Variants in ZZEF1 observed in about 807,000 individuals in gnomAD.
ZZEF1 encodes the protein zinc finger ZZ-type and EF-hand domain containing 1.
Under a neutral mutation model 342.8 loss-of-function variants are expected in ZZEF1, and 157 were observed. The observed-to-expected ratio is 0.46, with a 90% CI of 0.40 to 0.52. The LOEUF is 0.52. Ranked by LOEUF, ZZEF1 falls within the 20% of genes least tolerant of loss-of-function variation. ZZEF1 has a pLI of 0.00. For missense variants in ZZEF1, 3,480 were observed against 3,725.6 expected (o/e 0.93, Z 1.72); for synonymous variants, 1,505 against 1,429.1 (o/e 1.05, Z -1.20).
rs2058269237 is a variant in ZZEF1, at chr17:4,109,871, GCA to G, written c.1067-10_1067-9del. On this transcript the variant is annotated splice_polypyrimidine_tract_variant and intron_variant, in intron 5 of 54. Coordinates refer to ENST00000381638, the MANE Select transcript of ZZEF1 (RefSeq NM_015113.4). ...TTATGTTAATCTGGACATCTGTCGA[GCA>G]CAAACAAAAAATTCAGTATTGGATT... 2.5e-6 allele frequency: 4 copies of G among 1,613,824 alleles called. No homozygotes were observed. In the East Asian group the frequency reaches 8.9e-5, roughly 36 times the overall value.
At chr17:4,012,645 A>G (rs981398272) in intron 52 of ZZEF1, among the ~76,000 whole-genome samples, 3 of 152,204 alleles carry the variant, frequency 2.0e-5, no homozygotes, top group African/African-American at 2.4e-5. Flanking sequence ...ATTCAACACT[A>G]TATGTCCTCC....
chr17:4,087,579 T>C, intron 13 of ZZEF1, 45 bp from the exon 14 acceptor site: 1 of 1,518,694 alleles, frequency 6.6e-7, no homozygotes, highest in Non-Finnish European at 9.0e-7. Context: ...GAAAAATGCA[T>C]TTAGAGAAAT....
At chr17:4,085,913 G>A in intron 15 of ZZEF1, 110 bp from the exon 16 acceptor site, 1 of 1,368,096 alleles carries the variant, frequency 7.3e-7, no homozygotes, top group Non-Finnish European at 1.0e-6. Flanking sequence ...CTTAATACCA[G>A]AGTGAAGAAG....
At chr17:4,029,899 A>G (rs1304576122) in intron 42 of ZZEF1, among the ~76,000 whole-genome samples, 4 of 150,108 alleles carry the variant, frequency 2.7e-5, no homozygotes, top group African/African-American at 9.8e-5. Context: ...AAAAAAAGAC[A>G]GAAACCAGAA....
rs1224584530 is a variant in ZZEF1, at chr17:4,117,025, A to G, written c.641T>C (p.Met214Thr). The change falls in exon 3 of 55, where the codon ATG (methionine) becomes ACG (threonine). Residue 214 changes from methionine (M) to threonine (T), a missense_variant. By Grantham distance (81) the Met-to-Thr change is moderately conservative (BLOSUM62 -1). This residue lies in a region of ZZEF1 where 416 missense variants were observed against 374.2 expected (regional missense o/e 1.11). Coordinates refer to ENST00000381638, the MANE Select transcript of ZZEF1 (RefSeq NM_015113.4). ...AGACTCCTTCAGGACGGAAGACCGC[A>G]TGGTGCACATGTTATTGCAGTGCTC... Reference protein sequence around the residue: ...MLEHCNNMCTMRSSVLKESLD... With the variant: ...MLEHCNNMCTTRSSVLKESLD... The G allele has an allele frequency of 8.7e-6, 14 of 1,613,770 alleles. No individual in the cohort carries two copies. The highest frequency in any genetic ancestry group is 1.0e-5 in the Non-Finnish European group (12 of 1,179,786).
At chr17:4,033,974 G>T in intron 40 of ZZEF1, 41 bp downstream of exon 40, 1 of 1,602,872 alleles carries the variant, frequency 6.2e-7, no homozygotes, top group South Asian at 1.1e-5. Flanking sequence ...ACCAAGGTGG[G>T]ATAGAGGGCA....
intron 26 of ZZEF1, 32 bp downstream of exon 26, chr17:4,070,652 C>A (rs1597846611): frequency 3.8e-6 from 6 of 1,598,362 alleles, no homozygotes; most frequent in Middle Eastern, 1.7e-4. Flanking sequence ...AATTAGCCTT[C>A]AGATCAAAAA....
chr17:4,033,976 T>C, intron 40 of ZZEF1, 39 bp downstream of exon 40: 2 of 1,603,568 alleles, frequency 1.2e-6, no homozygotes, highest in Non-Finnish European at 1.7e-6. Context: ...CAAGGTGGGA[T>C]AGAGGGCAGG....
chr17:4,138,749 A>T (rs565471776), intron 1 of ZZEF1, among the ~76,000 whole-genome samples: 2 of 152,328 alleles, frequency 1.3e-5, no homozygotes, highest in South Asian at 2.1e-4. Flanking sequence ...CTGCCCTAGA[A>T]GATTTTCTAG....
At chr17:4,066,220 G>A (rs925576205) in intron 28 of ZZEF1, among the ~76,000 whole-genome samples, 4 of 152,166 alleles carry the variant, frequency 2.6e-5, no homozygotes, top group African/African-American at 7.2e-5. Context: ...CCTAAGAGAA[G>A]TGATTAGAAA....
chr17:4,072,751 C>T lies in ZZEF1; in HGVS notation c.3691G>A (p.Gly1231Arg). 1.2e-6 allele frequency: 2 copies of T among 1,610,206 alleles called. No homozygotes were observed. The highest frequency in any genetic ancestry group is 1.7e-4 in the Middle Eastern group (1 of 6,042). ...CMALKSVRQL[G>R]SNMVVPQAKM... ...GCCTGAGGTACTACCATGTTACTTC[C>T]TAACTCTAGAAAGAGAAGAAGACAT... Residue 1231 changes from glycine (G) to arginine (R), a missense_variant, in exon 25 of 55, where the codon GGA (glycine) becomes AGA (arginine). By Grantham distance (125) the Gly-to-Arg change is moderately radical (BLOSUM62 -2). Coordinates refer to ENST00000381638, the MANE Select transcript of ZZEF1 (RefSeq NM_015113.4).
intron 8 of ZZEF1, among the ~76,000 whole-genome samples, chr17:4,103,587 A>C (rs2058162311): frequency 6.6e-6 from 1 of 151,940 alleles, no homozygotes; most frequent in South Asian, 2.1e-4. Flanking sequence ...CATAAAAAGA[A>C]GCCATTAAGT....
At position 4,024,959 on chromosome 17, in the gene ZZEF1, A is replaced by C; in HGVS notation, c.7052T>G (p.Val2351Gly). Residue 2351 changes from valine (V) to glycine (G), a missense_variant, in exon 43 of 55, where the codon GTC becomes GGC. Transcript: ENST00000381638. ...CAATCCTTTCAGGGCCAGGGACAGGACCCAAGTTGCTTCTACTGCCTCGGG... is the reference window on the plus strand; with the variant it reads ...CAATCCTTTCAGGGCCAGGGACAGGCCCCAAGTTGCTTCTACTGCCTCGGG... ...HCPEAVEATW[V>G]LSLALKGLYK... is the part of the protein sequence containing the mutation. The C allele has an allele frequency of 6.2e-7, 1 of 1,614,154 alleles. No homozygotes were observed. Among genetic ancestry groups the C allele is most frequent in the Non-Finnish European group, 8.5e-7 (1 of 1,180,016 alleles).
chr17:4,116,958 C>CCA lies in ZZEF1; in HGVS notation c.694+12_694+13dup, dbSNP rs1262440643. The CCA allele has an allele frequency of 1.9e-6, 3 of 1,573,760 alleles. No homozygotes were observed. The highest frequency in any genetic ancestry group is 1.4e-5 in the African/African-American group (1 of 73,642). On this transcript the variant is annotated intron_variant, in intron 3 of 54. Transcript: ENST00000381638. ...GATCAGAGTATTTTCAGGAGAACCCCCACACACACATACCCTTTTCCTTTT... is the reference window on the plus strand; with the variant it reads ...GATCAGAGTATTTTCAGGAGAACCCCCACACACACACATACCCTTTTCCTTTT...
intron 2 of ZZEF1, 62 bp from the exon 3 acceptor site, chr17:4,117,228 G>T: frequency 1.5e-6 from 2 of 1,343,418 alleles, no homozygotes; most frequent in Non-Finnish European, 2.1e-6. Context: ...CACATCCCCT[G>T]CCTGGTGGCC....
At chr17:4,086,053 C>T (rs749959133) in intron 15 of ZZEF1, among the ~76,000 whole-genome samples, 98 of 152,290 alleles carry the variant, frequency 6.4e-4, no homozygotes, top group Middle Eastern at 3.4e-3. Context: ...CTTGGCAAAG[C>T]CTTAAATAAA....
In ZZEF1 at chr17:4,082,387, C is replaced by CT; in HGVS notation, c.2714+49dup. ...AGGAAGGGCAAGCTCAAGAAAACAA[C>CT]TTTGCAAAGATTTGAGTTATCCGAC... On this transcript the variant is annotated intron_variant, in intron 17 of 54. Transcript: ENST00000381638. 1.9e-6 allele frequency: 3 copies of CT among 1,589,804 alleles called. No homozygotes were observed. In the South Asian group the frequency reaches 3.3e-5, roughly 18 times the overall value.
rs2055860441 is a variant in ZZEF1 at position 4,008,476 on chromosome 17, T to C, written c.8805+407A>G. 2 of 985,516 alleles carry C rather than the reference T, an allele frequency of 2.0e-6. No individual in the cohort carries two copies. The highest frequency in any genetic ancestry group is 9.0e-5 in the South Asian group (2 of 22,126). The allele number at this position is 985,516 out of a possible 1,614,324, so 61.0% of individuals were successfully genotyped here. A position where few individuals can be genotyped will look rare whatever the true frequency, so the allele number is the denominator to read the frequency against. On this transcript the variant is annotated intron_variant, in intron 54 of 54. Transcript: ENST00000381638. The surrounding 1 kb of genome is among the most constrained non-coding windows in gnomAD (Gnocchi z 4.2). ...TGCATAATAGACATATCCAAAAGCT[T>C]TCTGAGCTCCTCAGTCAGTGAAAAG...
chr17:4,123,289 A>ATATATATATATATG (rs2058517799), intron 2 of ZZEF1, among the ~76,000 whole-genome samples: 1 of 95,392 alleles, frequency 1.0e-5, no homozygotes, highest in Non-Finnish European at 2.2e-5. Flanking sequence ...ATATATATAT[A>ATATATATATATATG]TATATATATA....
Sources: gnomAD v4.1 joint callset for allele counts (sites outside exome capture counted in the v4.1 genomes callset) on GRCh38, gnomAD v4.1.1 for gene constraint, gnomAD v4.1.1 regional missense constraint, Gnocchi (gnomAD v3.1) non-coding constraint, MANE v1.5 for transcripts, NCBI Gene and HGNC (gene_info 2026-07-23, HGNC 2026-07-21) for gene names.